CDH12: variants seen among roughly 807,000 people sequenced by gnomAD.
The protein encoded by CDH12 is cadherin 12, also known as cadherin-12.
CDH12 carries 41 observed loss-of-function variants against 74.1 expected under a neutral mutation model. The ratio of observed to expected loss-of-function variants is 0.55; its 90% CI spans 0.43 to 0.72. The LOEUF is 0.72. Among genes scored for constraint, CDH12 ranks in the 30% least tolerant of loss-of-function variants. CDH12 has a pLI of 0.00. For missense variants in CDH12, 945 were observed against 977.2 expected, an observed-to-expected ratio of 0.97 and a Z score of 0.44; for synonymous variants, 399 against 355.0, an observed-to-expected ratio of 1.12 and a Z score of -1.39.
intron 6 of CDH12, among the ~76,000 whole-genome samples, chr5:21,939,798 T>C (rs1380868540): frequency 2.6e-5 from 4 of 152,232 alleles, no homozygotes; most frequent in Non-Finnish European, 5.9e-5. Context: ...TTATTCCTTC[T>C]TTGGACATGC....
chr5:22,570,212 C>G (rs10053912), intron 1 of CDH12, among the ~76,000 whole-genome samples: 21,237 of 151,704 alleles, frequency 0.14, 1,601 homozygotes, highest in South Asian at 0.2. Context: ...CCCACCACCA[C>G]ACCTGGCTAA....
At chr5:22,104,481 GA>G (rs376852727) in intron 4 of CDH12, among the ~76,000 whole-genome samples, 11,047 of 148,430 alleles carry the variant, frequency 0.074, 489 homozygotes, top group South Asian at 0.12. Flanking sequence ...AGTGTGAAAG[GA>G]AAAAAAAAAC....
At chr5:22,681,490 G>A (rs1399936518) in intron 1 of CDH12, among the ~76,000 whole-genome samples, 2 of 151,896 alleles carry the variant, frequency 1.3e-5, no homozygotes, top group Non-Finnish European at 2.9e-5. Flanking sequence ...GTGGAATAAG[G>A]GCTGCAAGAT....
At chr5:21,932,101 T>C (rs1267622624) in intron 6 of CDH12, among the ~76,000 whole-genome samples, 2 of 152,206 alleles carry the variant, frequency 1.3e-5, no homozygotes, top group Non-Finnish European at 2.9e-5. Context: ...TCTACACAAA[T>C]GAAACAAACA....
intron 1 of CDH12, among the ~76,000 whole-genome samples, chr5:22,718,463 C>T (rs1035623011): frequency 2.6e-5 from 4 of 152,126 alleles, no homozygotes; most frequent in Non-Finnish European, 4.4e-5. Context: ...TAAGGAATAA[C>T]GGTTGATGAA....
chr5:22,450,137 C>T (rs113539066), intron 2 of CDH12, among the ~76,000 whole-genome samples: 2,063 of 152,072 alleles, frequency 0.014, 56 homozygotes, highest in African/African-American at 0.047. Flanking sequence ...TTGAAAACTG[C>T]ATTAATCTAT....
chr5:22,751,242 T>C (rs764755226), intron 1 of CDH12, among the ~76,000 whole-genome samples: 6 of 150,492 alleles, frequency 4.0e-5, no homozygotes, highest in Non-Finnish European at 8.9e-5. Context: ...TTATCGCATA[T>C]CTGAAAAAGC....
chr5:22,315,118 G>GTTTTT (rs1344184080), intron 3 of CDH12, among the ~76,000 whole-genome samples: 1 of 9,396 alleles, frequency 1.1e-4, no homozygotes, highest in African/African-American at 3.0e-4. Flanking sequence ...TGCCTGCCTG[G>GTTTTT]CTTTTTTTTT....
chr5:22,445,368 C>A (rs1396287856), intron 2 of CDH12, among the ~76,000 whole-genome samples: 1 of 152,020 alleles, frequency 6.6e-6, no homozygotes, highest in Non-Finnish European at 1.5e-5. Context: ...AGTCAAAATA[C>A]AGTTTTATTT....
chr5:22,657,295 G>A (rs1212141619), intron 1 of CDH12, among the ~76,000 whole-genome samples: 5 of 152,150 alleles, frequency 3.3e-5, no homozygotes, highest in Non-Finnish European at 7.3e-5. Context: ...CTTCAGAGAT[G>A]TAGTAGCTCT....
intron 3 of CDH12, among the ~76,000 whole-genome samples, chr5:22,335,242 C>T (rs1411956804): frequency 2.6e-5 from 4 of 152,156 alleles, no homozygotes; most frequent in African/African-American, 9.7e-5. Flanking sequence ...ATAATTCCCA[C>T]ATGTTGTGGG....
chr5:22,343,283 T>TACACACACACACACAC (rs70959717), intron 3 of CDH12, among the ~76,000 whole-genome samples: 4 of 92,588 alleles, frequency 4.3e-5, no homozygotes, highest in African/African-American at 8.1e-5. Context: ...ACATAAACCC[T>TACACACACACACACAC]ACACACACAC....
intron 1 of CDH12, among the ~76,000 whole-genome samples, chr5:22,656,662 C>G (rs992599710): frequency 6.6e-6 from 1 of 152,138 alleles, no homozygotes; most frequent in Non-Finnish European, 1.5e-5. Flanking sequence ...ACCTTGTGGA[C>G]TTAGTAATTT....
At chr5:22,189,851 C>T (rs1238497483) in intron 4 of CDH12, among the ~76,000 whole-genome samples, 8 of 416 alleles carry the variant, frequency 0.019, no homozygotes, top group Non-Finnish European at 0.18. Flanking sequence ...ACCACATCTT[C>T]CCCCCGCCTA....
chr5:21,830,005 C>G (rs1411349769), intron 8 of CDH12, among the ~76,000 whole-genome samples: 1 of 151,754 alleles, frequency 6.6e-6, no homozygotes, highest in Admixed American at 6.6e-5. Context: ...TTAAGACCAG[C>G]TTGGCCAACA....
At chr5:22,745,373 T>C (rs1745240945) in intron 1 of CDH12, among the ~76,000 whole-genome samples, 4 of 152,080 alleles carry the variant, frequency 2.6e-5, no homozygotes, top group Non-Finnish European at 5.9e-5. Context: ...AGTTATATAA[T>C]CTAAAGATAG....
At chr5:22,519,932 T>C (rs2126683686) in intron 1 of CDH12, among the ~76,000 whole-genome samples, 1 of 152,322 alleles carries the variant, frequency 6.6e-6, no homozygotes, top group Middle Eastern at 3.4e-3. Flanking sequence ...ATTGTAGAGG[T>C]AGCATATTCG....
chr5:21,916,984 A>T (rs1442906075), intron 6 of CDH12, among the ~76,000 whole-genome samples: 1 of 152,202 alleles, frequency 6.6e-6, no homozygotes, highest in African/African-American at 2.4e-5. Context: ...CCTGGCTCTT[A>T]GGCAGTGGCA....
At chr5:22,273,136 T>G (rs1237851797) in intron 3 of CDH12, among the ~76,000 whole-genome samples, 1 of 152,106 alleles carries the variant, frequency 6.6e-6, no homozygotes, top group Non-Finnish European at 1.5e-5. Context: ...TGGATGAGAT[T>G]TGGGTGGGGA....
Sources: allele counts gnomAD v4.1 joint callset (sites outside exome capture counted in the v4.1 genomes callset), GRCh38; gene constraint gnomAD v4.1.1; transcripts MANE v1.5; gene names NCBI Gene and HGNC (gene_info 2026-07-23, HGNC 2026-07-21).